Variants in KDM2A observed in about 807,000 individuals in gnomAD.
The protein encoded by KDM2A is lysine demethylase 2A, also known as lysine-specific demethylase 2A.
Under a neutral mutation model 137.3 loss-of-function variants are expected in KDM2A, and 3 were observed. The ratio of observed to expected loss-of-function variants is 0.02; its 90% CI spans 0.01 to 0.06. KDM2A has a LOEUF of 0.06. Among genes scored for constraint, KDM2A ranks in the 10% least tolerant of loss-of-function variants. The probability of loss-of-function intolerance (pLI) is 1.00; values close to 1 mark genes in which losing one functional copy is unlikely to be tolerated. For synonymous variants in KDM2A, 512 were observed against 541.5 expected (o/e 0.95, Z 0.76); for missense variants, 738 against 1,510.6 (o/e 0.49, Z 8.48).
intron 2 of KDM2A, among the ~76,000 whole-genome samples, chr11:67,146,111 C>T (rs1036983509): frequency 1.1e-4 from 16 of 151,410 alleles, no homozygotes; most frequent in African/African-American, 3.9e-4. Context: ...CCTGTCTCAG[C>T]CTCCTGAGTA....
intron 2 of KDM2A, among the ~76,000 whole-genome samples, chr11:67,135,751 A>G (rs1439578143): frequency 6.6e-6 from 1 of 152,202 alleles, no homozygotes; most frequent in Non-Finnish European, 1.5e-5. Context: ...TCTTTTGATC[A>G]TCACCATTCT....
chr11:67,136,960 T>C (rs1855982054), intron 2 of KDM2A, among the ~76,000 whole-genome samples: 1 of 152,164 alleles, frequency 6.6e-6, no homozygotes, highest in Admixed American at 6.6e-5. Context: ...CAGTATATGA[T>C]AGAGTGAGCT....
At chr11:67,145,698 T>A (rs1022732087) in intron 2 of KDM2A, among the ~76,000 whole-genome samples, 2 of 152,060 alleles carry the variant, frequency 1.3e-5, no homozygotes. Context: ...TCCCTTTCTC[T>A]TTTCTCATTA....
intron 12 of KDM2A, chr11:67,239,991 T>C: frequency 1.6e-6 from 2 of 1,212,968 alleles, no homozygotes; most frequent in Non-Finnish European, 2.1e-6. Flanking sequence ...GCAGAACGGC[T>C]GGGCCCTCTG....
intron 2 of KDM2A, among the ~76,000 whole-genome samples, chr11:67,173,013 A>G (rs1002376448): frequency 1.3e-5 from 2 of 152,090 alleles, no homozygotes; most frequent in Non-Finnish European, 2.9e-5. Flanking sequence ...TTTTGAGACA[A>G]GGTCTCTCAC....
intron 12 of KDM2A, among the ~76,000 whole-genome samples, chr11:67,234,130 A>G (rs549453611): frequency 1.3e-5 from 2 of 152,264 alleles, no homozygotes; most frequent in Non-Finnish European, 2.9e-5. Context: ...AATTATTCCT[A>G]TATTTGATCA....
At chr11:67,161,916 A>G (rs1428541553) in intron 2 of KDM2A, among the ~76,000 whole-genome samples, 1 of 152,142 alleles carries the variant, frequency 6.6e-6, no homozygotes. Context: ...CTAAGGTAGT[A>G]GGTTTAATAT....
At chr11:67,241,777 G>A (rs1053258347) in intron 12 of KDM2A, among the ~76,000 whole-genome samples, 2 of 152,144 alleles carry the variant, frequency 1.3e-5, no homozygotes, top group African/African-American at 4.8e-5. Flanking sequence ...TGTCTAAAAC[G>A]AAAAGATTTG....
intron 10 of KDM2A, 26 bp from the exon 11 acceptor site, chr11:67,228,011 C>T (rs1858599620): frequency 1.2e-6 from 2 of 1,601,756 alleles, no homozygotes; most frequent in Non-Finnish European, 1.7e-6. Flanking sequence ...AAATCGTCAT[C>T]TTTTCTCTAT....
At chr11:67,230,761 C>T (rs1462560022) in intron 11 of KDM2A, among the ~76,000 whole-genome samples, 6 of 151,870 alleles carry the variant, frequency 4.0e-5, no homozygotes, top group Non-Finnish European at 5.9e-5. Context: ...ACTTATTTAC[C>T]GCTTTGCGCC....
intron 17 of KDM2A, chr11:67,252,401 G>C (rs1009703582): frequency 4.9e-6 from 2 of 409,110 alleles, no homozygotes; most frequent in Non-Finnish European, 9.3e-6. Context: ...ACTGTTGCTT[G>C]CTATGGGTCC....
chr11:67,152,682 T>C (rs1175815670), intron 2 of KDM2A, among the ~76,000 whole-genome samples: 1 of 152,124 alleles, frequency 6.6e-6, no homozygotes, highest in East Asian at 1.9e-4. Context: ...TTTGTTTCTT[T>C]TGAGCTCCAC....
chr11:67,161,938 C>G (rs1231391405), intron 2 of KDM2A, among the ~76,000 whole-genome samples: 1 of 151,994 alleles, frequency 6.6e-6, no homozygotes, highest in African/African-American at 2.4e-5. Flanking sequence ...TAAATAGATG[C>G]TTTTTCAGAG....
chr11:67,234,676 G>A (rs1297871572), intron 12 of KDM2A, among the ~76,000 whole-genome samples: 3 of 152,082 alleles, frequency 2.0e-5, no homozygotes, highest in African/African-American at 2.4e-5. Context: ...GCAACGTGGC[G>A]AAACCTCACC....
At chr11:67,165,155 CTT>C (rs1856712154) in intron 2 of KDM2A, among the ~76,000 whole-genome samples, 1 of 150,420 alleles carries the variant, frequency 6.6e-6, no homozygotes, top group Admixed American at 6.6e-5. Context: ...GACTTTCACT[CTT>C]GTTACCCAGG....
intron 5 of KDM2A, among the ~76,000 whole-genome samples, chr11:67,190,258 A>G (rs552794445): frequency 2.0e-4 from 31 of 152,154 alleles, no homozygotes; most frequent in African/African-American, 7.2e-4. Flanking sequence ...AAAAATACAT[A>G]AATTAGCTGG....
intron 2 of KDM2A, among the ~76,000 whole-genome samples, chr11:67,123,594 C>T (rs1431554837): frequency 6.6e-6 from 1 of 152,026 alleles, no homozygotes; most frequent in Non-Finnish European, 1.5e-5. Context: ...TCACTTTTAT[C>T]ATGTCAAGTT....
At chr11:67,238,058 A>C (rs1590816966) in intron 12 of KDM2A, among the ~76,000 whole-genome samples, 2 of 152,202 alleles carry the variant, frequency 1.3e-5, no homozygotes, top group African/African-American at 4.8e-5. Flanking sequence ...AATGTAACTC[A>C]GTTATGAGGC....
In KDM2A at chr11:67,253,484, C is replaced by G. The variant is rs1443824844; in HGVS notation, c.2964C>G (p.Ser988=). 1.2e-6 allele frequency: 2 copies of G among 1,613,760 alleles called. No individual in the cohort carries two copies. Among genetic ancestry groups the G allele is most frequent in the Non-Finnish European group, 1.7e-6 (2 of 1,179,820 alleles). Residue 988 remains serine, a synonymous_variant, in exon 19 of 21, where the codon TCC becomes TCG. Transcript: ENST00000529006. The part of the protein sequence containing the change: ...GLKDLLLAGC[S]WSAVSALSTS... ...AAGACCTCCTCCTAGCAGGCTGCTC[C>G]TGGTCTGCAGTCTCTGCCCTCAGCA...
Sources: allele counts gnomAD v4.1 joint callset (sites outside exome capture counted in the v4.1 genomes callset), GRCh38; gene constraint gnomAD v4.1.1; transcripts MANE v1.5; gene names NCBI Gene and HGNC (gene_info 2026-07-23, HGNC 2026-07-21).